COL24A1: variants seen among roughly 807,000 people sequenced by gnomAD.
COL24A1 encodes collagen type XXIV alpha 1 chain, also known as collagen alpha-1(XXIV) chain.
In COL24A1, 224 loss-of-function variants were observed where a neutral mutation model predicts 253.9. The observed-to-expected ratio is 0.88, with a 90% CI of 0.79 to 0.99. The LOEUF is 0.99. Ranked by LOEUF, COL24A1 falls within the 50% of genes least tolerant of loss-of-function variation. The pLI is 0.00. For synonymous variants in COL24A1, 685 were observed against 673.7 expected, an observed-to-expected ratio of 1.02 and a Z score of -0.26; for missense variants, 2,131 against 2,068.5, an observed-to-expected ratio of 1.03 and a Z score of -0.59.
At chr1:86,045,889 G>A (rs767960278) in intron 12 of COL24A1, 1 of 435,502 alleles carries the variant, frequency 2.3e-6, no homozygotes. Flanking sequence ...AGCACTGTGA[G>A]TAGAAGACAG....
chr1:85,797,657 C>T (rs949996436), intron 47 of COL24A1, among the ~76,000 whole-genome samples: 3 of 152,148 alleles, frequency 2.0e-5, no homozygotes, highest in South Asian at 4.1e-4. Context: ...TAGTCTCTCT[C>T]GGTCTCAGCT....
At chr1:85,958,287 T>C (rs1690678506) in intron 24 of COL24A1, among the ~76,000 whole-genome samples, 1 of 152,150 alleles carries the variant, frequency 6.6e-6, no homozygotes. Context: ...TCTTTATGAT[T>C]ACTACTTATA....
chr1:85,746,362 C>T (rs2100956499), intron 55 of COL24A1, among the ~76,000 whole-genome samples: 1 of 152,282 alleles, frequency 6.6e-6, no homozygotes, highest in South Asian at 2.1e-4. Flanking sequence ...TCCCTTGCTT[C>T]AGCATGTGTT....
At chr1:86,137,943 T>C (rs1650491816) in intron 2 of COL24A1, among the ~76,000 whole-genome samples, 1 of 152,180 alleles carries the variant, frequency 6.6e-6, no homozygotes, top group African/African-American at 2.4e-5. Flanking sequence ...AATCGTCCAA[T>C]GGCTTTCCAT....
chr1:86,090,441 T>C (rs1703410862), intron 6 of COL24A1, among the ~76,000 whole-genome samples: 2 of 152,202 alleles, frequency 1.3e-5, no homozygotes, highest in Admixed American at 1.3e-4. Context: ...GTATGATCTA[T>C]TACAGATGTT....
intron 22 of COL24A1, among the ~76,000 whole-genome samples, chr1:85,969,294 C>T (rs1296445732): frequency 6.6e-6 from 1 of 151,776 alleles, no homozygotes; most frequent in South Asian, 2.1e-4. Context: ...TCTTTTTAAA[C>T]GTAAAAGCAT....
chr1:85,811,347 T>A (rs1168844475), intron 47 of COL24A1, among the ~76,000 whole-genome samples: 2 of 152,236 alleles, frequency 1.3e-5, no homozygotes, highest in Non-Finnish European at 2.9e-5. Context: ...TTTTACTATC[T>A]ATATGTATCC....
chr1:86,021,974 T>C (rs1697578338), intron 18 of COL24A1, among the ~76,000 whole-genome samples: 1 of 152,186 alleles, frequency 6.6e-6, no homozygotes, highest in South Asian at 2.1e-4. Context: ...AATTTAAATA[T>C]TGTCTATATT....
intron 51 of COL24A1, among the ~76,000 whole-genome samples, chr1:85,782,262 AT>A (rs1669221534): frequency 6.6e-6 from 1 of 152,020 alleles, no homozygotes; most frequent in African/African-American, 2.4e-5. Context: ...AAATTTAAAT[AT>A]TTTTATTAGA....
At chr1:86,083,284 C>T (rs1487018255) in intron 7 of COL24A1, among the ~76,000 whole-genome samples, 1 of 149,746 alleles carries the variant, frequency 6.7e-6, no homozygotes, top group Non-Finnish European at 1.5e-5. Flanking sequence ...GGCGACAGAG[C>T]GAGGCTCCGT....
intron 37 of COL24A1, among the ~76,000 whole-genome samples, chr1:85,853,329 C>T (rs1381311107): frequency 3.3e-5 from 5 of 152,182 alleles, no homozygotes; most frequent in Non-Finnish European, 7.3e-5. Flanking sequence ...GCATAGGATT[C>T]CATGGTGTAT....
chr1:85,819,698 AAG>A (rs1372076736), intron 45 of COL24A1, among the ~76,000 whole-genome samples: 1 of 152,162 alleles, frequency 6.6e-6, no homozygotes, highest in Non-Finnish European at 1.5e-5. Flanking sequence ...TAATGTAACA[AAG>A]AGTTTTTCCC....
chr1:85,948,864 A>G (rs1158432148), intron 24 of COL24A1, among the ~76,000 whole-genome samples: 1 of 151,736 alleles, frequency 6.6e-6, no homozygotes, highest in African/African-American at 2.4e-5. Flanking sequence ...ATATTAAAAA[A>G]AATCCTCAAC....
At chr1:86,119,463 C>T (rs1706491603) in intron 3 of COL24A1, among the ~76,000 whole-genome samples, 1 of 152,124 alleles carries the variant, frequency 6.6e-6, no homozygotes, top group Non-Finnish European at 1.5e-5. Context: ...GAAGAACATA[C>T]CTTTTTTATG....
intron 59 of COL24A1, among the ~76,000 whole-genome samples, chr1:85,732,274 A>AG (rs1214796016): frequency 2.0e-5 from 3 of 149,662 alleles, no homozygotes; most frequent in African/African-American, 7.5e-5. Flanking sequence ...TCGGTCGCCC[A>AG]GCTGGAGTGC....
intron 37 of COL24A1, among the ~76,000 whole-genome samples, chr1:85,853,491 A>G (rs182838958): frequency 2.6e-5 from 4 of 152,314 alleles, no homozygotes; most frequent in African/African-American, 9.6e-5. Context: ...TATACCCAGT[A>G]ATGGGACTGC....
intron 47 of COL24A1, among the ~76,000 whole-genome samples, chr1:85,800,942 T>C (rs1482356980): frequency 6.6e-6 from 1 of 152,100 alleles, no homozygotes; most frequent in Non-Finnish European, 1.5e-5. Context: ...ATAAAGATGC[T>C]GAGTAGCAAA....
intron 19 of COL24A1, among the ~76,000 whole-genome samples, chr1:86,009,323 A>G (rs1437225010): frequency 6.6e-6 from 1 of 152,194 alleles, no homozygotes; most frequent in Non-Finnish European, 1.5e-5. Flanking sequence ...GAAATTTAGT[A>G]CAATCATGTG....
At chr1:85,845,717 T>C (rs1345052012) in intron 39 of COL24A1, among the ~76,000 whole-genome samples, 1 of 151,770 alleles carries the variant, frequency 6.6e-6, no homozygotes, top group Non-Finnish European at 1.5e-5. Context: ...AAAAGGATTA[T>C]ATTAACACTG....
Sources: allele counts gnomAD v4.1 joint callset (sites outside exome capture counted in the v4.1 genomes callset), GRCh38; gene constraint gnomAD v4.1.1; transcripts MANE v1.5; gene names NCBI Gene and HGNC (gene_info 2026-07-23, HGNC 2026-07-21).